Variants in MIS18BP1 observed in about 807,000 individuals in gnomAD.
The protein encoded by MIS18BP1 is mis18-binding protein 1.
A neutral mutation model predicts 116.1 loss-of-function variants in MIS18BP1; 72 were observed. That is an observed-to-expected ratio of 0.62 (90% CI 0.51 to 0.75). The LOEUF (loss-of-function observed/expected upper bound fraction) is 0.75. Ranked by LOEUF, MIS18BP1 falls within the 30% of genes least tolerant of loss-of-function variation. The pLI is 0.00. For synonymous variants in MIS18BP1, 386 were observed against 427.0 expected, an observed-to-expected ratio of 0.90 and a Z score of 1.18; for missense variants, 1,363 against 1,303.2, an observed-to-expected ratio of 1.05 and a Z score of -0.71.
At chr14:45,230,217 T>C (rs1172107053) in intron 8 of MIS18BP1, among the ~76,000 whole-genome samples, 2 of 152,196 alleles carry the variant, frequency 1.3e-5, no homozygotes, top group Non-Finnish European at 2.9e-5. Flanking sequence ...TACTCATCTA[T>C]ATTGTTTAGA....
At chr14:45,226,627 A>T (rs1334629864) in intron 10 of MIS18BP1, 116 bp downstream of exon 10, 1 of 854,316 alleles carries the variant, frequency 1.2e-6, no homozygotes, top group Non-Finnish European at 1.6e-6. Context: ...ATTTAAAAAC[A>T]TTAAATAATT....
chr14:45,249,699 C>T (rs1271698441), intron 1 of MIS18BP1, among the ~76,000 whole-genome samples: 5 of 152,200 alleles, frequency 3.3e-5, no homozygotes, highest in Admixed American at 1.3e-4. Context: ...GGTGAATCCC[C>T]GTCTTTACTA....
Position 45,224,587 on chromosome 14 carries a change from C to T in MIS18BP1, c.2000G>A (p.Arg667Lys). Residue 667 changes from arginine (R) to lysine (K), a missense_variant, in exon 11 of 17, where the codon AGG becomes AAG. Arg to Lys is a conservative substitution (Grantham distance 26). Transcript: ENST00000310806. The stretch of plus-strand genomic sequence containing the variant: ...GATGGTGCCAGCGGACAGATTATAC[C>T]TCATGCATCTTTGCTCTATCACTTT... ...SRKVIEQRCMRYNLSAGTIKA... is the reference protein window; with the variant it reads ...SRKVIEQRCMKYNLSAGTIKA... 1 of 1,613,640 alleles carries T rather than the reference C, an allele frequency of 6.2e-7. No individual in the cohort carries two copies. Among genetic ancestry groups the T allele is most frequent in the South Asian group, 1.1e-5 (1 of 90,992 alleles).
At chr14:45,249,467 T>C (rs912021857) in intron 1 of MIS18BP1, among the ~76,000 whole-genome samples, 1 of 152,226 alleles carries the variant, frequency 6.6e-6, no homozygotes, top group Non-Finnish European at 1.5e-5. Context: ...GTGATCCTTC[T>C]GATTTGGCCT....
Position 45,247,034 on chromosome 14 carries a change from T to C in MIS18BP1, c.253A>G (p.Thr85Ala), listed in dbSNP as rs753163371. 8 of 1,613,332 alleles carry C rather than the reference T, an allele frequency of 5.0e-6. No individual in the cohort carries two copies. The East Asian group carries it at 6.7e-5, about 13-fold the overall frequency. ...FQSTMLTEATTSNSSLDISAI... is the reference protein window; with the variant it reads ...FQSTMLTEATASNSSLDISAI... ...CTGATATCAAGAGAACTGTTAGAGG[T>C]AGTAGCCTCTGTTAGCATAGTTGAT... Residue 85 changes from threonine (T) to alanine (A), a missense_variant, in exon 2 of 17, where the codon ACC (threonine) becomes GCC (alanine). Thr to Ala is a moderately conservative substitution (Grantham distance 58, BLOSUM62 0). Transcript: ENST00000310806.
At chr14:45,246,241 C>T (rs944748110) in intron 2 of MIS18BP1, among the ~76,000 whole-genome samples, 2 of 152,126 alleles carry the variant, frequency 1.3e-5, no homozygotes, top group African/African-American at 4.8e-5. Flanking sequence ...CCTACAAGGC[C>T]CTTATATTAT....
intron 6 of MIS18BP1, among the ~76,000 whole-genome samples, chr14:45,235,487 G>A (rs1410071322): frequency 6.6e-6 from 1 of 151,048 alleles, no homozygotes; most frequent in Non-Finnish European, 1.5e-5. Context: ...CTACTCAGGA[G>A]GCTGAGGCAG....
Position 45,206,082 on chromosome 14 carries a change from C to T in MIS18BP1, c.3240+1G>A. On this transcript the variant is annotated splice_donor_variant, in intron 15 of 16. Transcript: ENST00000310806. LOFTEE classifies it high-confidence loss of function. ...TGTATTGGATAAAGAAAAATACTTA[C>T]TAATTTTTTCTTGATGTTGCCCCAG... 1 of 1,571,564 alleles carries T rather than the reference C, an allele frequency of 6.4e-7. No homozygotes were observed. The highest frequency in any genetic ancestry group is 8.7e-7 in the Non-Finnish European group (1 of 1,145,324).
Position 45,218,406 on chromosome 14 carries a change from T to C in MIS18BP1, c.2718A>G (p.Val906=), listed in dbSNP as rs1312403880. The C allele has an allele frequency of 2.5e-6, 4 of 1,613,688 alleles. No individual in the cohort carries two copies. Among genetic ancestry groups the C allele is most frequent in the Non-Finnish European group, 3.4e-6 (4 of 1,179,964 alleles). The change falls in exon 12 of 17, where the codon GTA becomes GTG. Residue 906 remains valine, a synonymous_variant. Transcript: ENST00000310806. ...GAGATCGAGAACCTACAGCCGCAGC[T>C]ACCTCTGACCAGAAACCAGGTTTGT... ...PKHKPGFWSE[V]AAAVGSRSPE...
chr14:45,242,954 A>G, intron 2 of MIS18BP1, 80 bp from the exon 3 acceptor site: 2 of 879,444 alleles, frequency 2.3e-6, no homozygotes, highest in Non-Finnish European at 3.5e-6. Context: ...AAATTCTTGA[A>G]ATAAAGACAC....
intron 5 of MIS18BP1, 119 bp downstream of exon 5, chr14:45,237,529 C>A: frequency 8.1e-7 from 1 of 1,231,742 alleles, no homozygotes; most frequent in Non-Finnish European, 1.1e-6. Context: ...TTTTTGCCTT[C>A]AGTTCATAAC....
chr14:45,243,557 C>G (rs912259156), intron 2 of MIS18BP1, among the ~76,000 whole-genome samples: 6 of 151,986 alleles, frequency 3.9e-5, no homozygotes, highest in East Asian at 1.9e-4. Flanking sequence ...AAAATTTGAG[C>G]CTGAGAAGAA....
chr14:45,223,263 G>T (rs1380457304), intron 11 of MIS18BP1, among the ~76,000 whole-genome samples: 1 of 151,832 alleles, frequency 6.6e-6, no homozygotes, highest in Non-Finnish European at 1.5e-5. Context: ...CTCACTTGTG[G>T]GGCACCAAAC....
chr14:45,241,527 T>C (rs1485764263), intron 4 of MIS18BP1: 2 of 152,496 alleles, frequency 1.3e-5, no homozygotes, highest in South Asian at 2.1e-4. Flanking sequence ...TTACACTGCA[T>C]CTTCCTCCTT....
chr14:45,216,133 A>G (rs561849970), intron 13 of MIS18BP1, among the ~76,000 whole-genome samples: 1 of 152,314 alleles, frequency 6.6e-6, no homozygotes, highest in East Asian at 1.9e-4. Context: ...GATTGTTTCC[A>G]GTTTTTTGCT....
intron 15 of MIS18BP1, 94 bp downstream of exon 15, chr14:45,205,988 AG>A: frequency 1.3e-6 from 1 of 742,676 alleles, no homozygotes. Context: ...TAATCACCTC[AG>A]GGACAGGGAC....
Position 45,242,407 on chromosome 14 carries a change from A to G in MIS18BP1, c.770T>C (p.Ile257Thr). 2 of 1,614,048 alleles carry G rather than the reference A, an allele frequency of 1.2e-6. No individual in the cohort carries two copies. The highest frequency in any genetic ancestry group is 1.7e-6 in the Non-Finnish European group (2 of 1,179,970). ...CTTTTTGGATTTAGTGGTTGCAACT[A>G]TACTCTCCTTTGAGTGAAAAATTTG... ...AKQIFHSKES[I>T]VATTKSKKDT... is the part of the protein sequence containing the mutation. The change falls in exon 4 of 17, where the codon ATA becomes ACA. Residue 257 changes from isoleucine to threonine, a missense_variant. Transcript: ENST00000310806.
rs746105219 is a variant in MIS18BP1, at chr14:45,242,329, G to A, written c.848C>T (p.Thr283Ile). The change falls in exon 4 of 17, where the codon ACT becomes ATT. Residue 283 changes from threonine (T) to isoleucine (I), a missense_variant. Thr to Ile is a moderately conservative substitution (Grantham distance 89). Coordinates refer to ENST00000310806, the MANE Select transcript of MIS18BP1 (RefSeq NM_018353.5). ...VDSADEQFQN[T>I]NAETLSTNCI... is the part of the protein sequence containing the mutation. ...ATTAGTACTGAGAGTCTCAGCATTA[G>A]TATTTTGAAATTGTTCATCAGCAGA... is the stretch of plus-strand genomic sequence containing the variant. The A allele has an allele frequency of 1.6e-5, 26 of 1,613,834 alleles. No homozygotes were observed. Among genetic ancestry groups the A allele is most frequent in the Non-Finnish European group, 2.1e-5 (25 of 1,179,946 alleles).
At chr14:45,246,567 T>C (rs1231627162) in intron 2 of MIS18BP1, among the ~76,000 whole-genome samples, 176 bp downstream of exon 2, 5 of 152,220 alleles carry the variant, frequency 3.3e-5, no homozygotes, top group African/African-American at 1.2e-4. Context: ...TACTAAGCCA[T>C]AAAAATTACT....
Sources: allele counts gnomAD v4.1 joint callset (sites outside exome capture counted in the v4.1 genomes callset), GRCh38; gene constraint gnomAD v4.1.1; transcripts MANE v1.5; gene names NCBI Gene and HGNC (gene_info 2026-07-23, HGNC 2026-07-21).